The following SPOCK3 variants were observed in gnomAD, a reference collection of about 807,000 sequenced individuals.
SPOCK3 encodes testican-3.
In SPOCK3, 30 loss-of-function variants were observed where a neutral mutation model predicts 56.6. The ratio of observed to expected loss-of-function variants is 0.53; its 90% confidence interval spans 0.40 to 0.72. SPOCK3 has a LOEUF of 0.72. SPOCK3 is among the 30% of genes least tolerant of loss of function. The pLI, the probability that SPOCK3 is intolerant of heterozygous loss-of-function variation, is 0.00. For missense variants in SPOCK3, 527 were observed against 530.0 expected (o/e 0.99, Z 0.06); for synonymous variants, 196 against 183.3 (o/e 1.07, Z -0.56).
intron 2 of SPOCK3, among the ~76,000 whole-genome samples, chr4:167,070,441 A>G (rs1756561481): frequency 6.6e-6 from 1 of 151,864 alleles, no homozygotes. Flanking sequence ...TATAAATAAT[A>G]TAATGATTTT....
rs115417193 is a variant in SPOCK3, at chr4:166,775,735, A to G, written c.709+16435T>C. 5.3e-3 allele frequency among the ~76,000 whole-genome samples: 803 copies of G among 152,308 alleles called. 5 individuals are homozygous for G. Among genetic ancestry groups the G allele is most frequent in the African/African-American group, 0.015 (625 of 41,568 alleles). On this transcript the variant is annotated intron_variant, in intron 7 of 10. Transcript: ENST00000357545. ...GTGGCCCATGAAGTGAAAAAGGTCT[A>G]TTCACTGTTGGAATCCTGAATGGCT... is the stretch of plus-strand genomic sequence containing the variant.
intron 2 of SPOCK3, among the ~76,000 whole-genome samples, chr4:167,102,245 C>T (rs1759717429): frequency 6.6e-6 from 1 of 152,006 alleles, no homozygotes; most frequent in Non-Finnish European, 1.5e-5. Flanking sequence ...TAATAAAGCA[C>T]AAAGATCAGG....
intron 4 of SPOCK3, among the ~76,000 whole-genome samples, chr4:166,976,968 G>C (rs961655970): frequency 1.3e-5 from 2 of 151,380 alleles, no homozygotes; most frequent in Non-Finnish European, 2.9e-5. Context: ...TATATGCAAA[G>C]AAACAAATTG....
intron 4 of SPOCK3, among the ~76,000 whole-genome samples, chr4:166,975,329 TAAC>T (rs1322534663): frequency 6.6e-6 from 1 of 152,212 alleles, no homozygotes; most frequent in Non-Finnish European, 1.5e-5. Context: ...TTCATGTATC[TAAC>T]TACATATGTA....
chr4:166,923,986 A>C (rs1415689314), intron 4 of SPOCK3, among the ~76,000 whole-genome samples: 1 of 152,170 alleles, frequency 6.6e-6, no homozygotes, highest in East Asian at 1.9e-4. Context: ...TTTTGCATTT[A>C]GCAGTCGTGG....
Position 167,192,820 on chromosome 4 carries a change from A to G in SPOCK3, c.189+41165T>C, listed in dbSNP as rs982398298. On this transcript the variant is annotated intron_variant, in intron 2 of 10. Coordinates refer to ENST00000357545, the MANE Select transcript of SPOCK3 (RefSeq NM_001040159.2). Reference sequence around the variant, plus strand: ...TGTTTCAATTTTCATTTGTTTCAAGATACTTTTTTATTTCTCTCTTGATTT... The same window carrying G: ...TGTTTCAATTTTCATTTGTTTCAAGGTACTTTTTTATTTCTCTCTTGATTT... Among the ~76,000 whole-genome samples, 3 of 145,744 alleles carry G rather than the reference A, an allele frequency of 2.1e-5. 1 individual carries two copies. Among genetic ancestry groups the G allele is most frequent in the Non-Finnish European group, 4.5e-5 (3 of 66,846 alleles).
intron 2 of SPOCK3, among the ~76,000 whole-genome samples, chr4:167,218,611 T>C (rs1735594306): frequency 6.6e-6 from 1 of 152,110 alleles, no homozygotes; most frequent in African/African-American, 2.4e-5. Context: ...ATTTAAAAAG[T>C]TTTTAATATA....
At chr4:166,978,853 T>A (rs963960054) in intron 4 of SPOCK3, among the ~76,000 whole-genome samples, 1 of 152,182 alleles carries the variant, frequency 6.6e-6, no homozygotes, top group Non-Finnish European at 1.5e-5. Flanking sequence ...TGTATGTGAA[T>A]AAAATATTTC....
chr4:166,820,362 T>C (rs1744798758), intron 6 of SPOCK3, among the ~76,000 whole-genome samples: 2 of 152,050 alleles, frequency 1.3e-5, no homozygotes, highest in African/African-American at 4.8e-5. Flanking sequence ...CAAAGCAATG[T>C]AGTACTGGTA....
At chr4:167,106,354 T>C (rs1309522831) in intron 2 of SPOCK3, among the ~76,000 whole-genome samples, 1 of 151,938 alleles carries the variant, frequency 6.6e-6, no homozygotes, top group East Asian at 1.9e-4. Flanking sequence ...TGCAAACACA[T>C]GGAAATTAAA....
chr4:166,952,245 C>A (rs578106992), intron 4 of SPOCK3, among the ~76,000 whole-genome samples: 5 of 152,228 alleles, frequency 3.3e-5, no homozygotes, highest in South Asian at 4.1e-4. Context: ...TCTCAGGATA[C>A]AAAATCAATG....
At chr4:167,037,431 G>A (rs1265758488) in intron 3 of SPOCK3, among the ~76,000 whole-genome samples, 2 of 150,510 alleles carry the variant, frequency 1.3e-5, no homozygotes, top group East Asian at 2.0e-4. Context: ...GCAGTGAGCC[G>A]AGATTGCACC....
intron 6 of SPOCK3, among the ~76,000 whole-genome samples, chr4:166,886,978 AGGATT>A (rs1734264023): frequency 6.6e-6 from 1 of 152,128 alleles, no homozygotes; most frequent in African/African-American, 2.4e-5. Context: ...TTGTCAGAGG[AGGATT>A]AGTTTAAATT....
At chr4:166,831,862 G>A (rs1272339997) in intron 6 of SPOCK3, among the ~76,000 whole-genome samples, 1 of 150,234 alleles carries the variant, frequency 6.7e-6, no homozygotes, top group East Asian at 2.0e-4. Flanking sequence ...CAGTTCTTAA[G>A]GGAAAAGCTT....
At chr4:167,181,649 T>A (rs1354620503) in intron 2 of SPOCK3, among the ~76,000 whole-genome samples, 1 of 152,168 alleles carries the variant, frequency 6.6e-6, no homozygotes, top group Non-Finnish European at 1.5e-5. Flanking sequence ...CAAATTCCCA[T>A]ACTCCCAACC....
chr4:166,980,175 T>C (rs746274336), intron 4 of SPOCK3, among the ~76,000 whole-genome samples: 7 of 152,254 alleles, frequency 4.6e-5, no homozygotes, highest in Non-Finnish European at 1.0e-4. Context: ...TATTTATATG[T>C]CTATTCTTCA....
chr4:167,204,286 T>G (rs977595396), intron 2 of SPOCK3, among the ~76,000 whole-genome samples: 2 of 151,962 alleles, frequency 1.3e-5, no homozygotes, highest in African/African-American at 4.8e-5. Flanking sequence ...AGAAAAAACT[T>G]GTATCCTCCT....
intron 8 of SPOCK3, among the ~76,000 whole-genome samples, chr4:166,749,861 T>A (rs949260018): frequency 6.6e-6 from 1 of 152,070 alleles, no homozygotes; most frequent in Non-Finnish European, 1.5e-5. Context: ...AATATGACAT[T>A]TAAGAACTAA....
At chr4:167,059,996 T>A (rs903438225) in intron 3 of SPOCK3, among the ~76,000 whole-genome samples, 1 of 147,664 alleles carries the variant, frequency 6.8e-6, no homozygotes, top group Non-Finnish European at 1.5e-5. Context: ...ACTCTGGGAC[T>A]GTTGTGGGGT....
Sources: gnomAD v4.1 joint callset for allele counts (sites outside exome capture counted in the v4.1 genomes callset) on GRCh38, gnomAD v4.1.1 for gene constraint, MANE v1.5 for transcripts, NCBI Gene and HGNC (gene_info 2026-07-23, HGNC 2026-07-21) for gene names.